The following NRG1 variants were observed in gnomAD, a reference collection of about 807,000 sequenced individuals.
NRG1 encodes pro-neuregulin-1, membrane-bound isoform.
A neutral mutation model predicts 63.8 loss-of-function variants in NRG1; 18 were observed. The observed-to-expected ratio is 0.28, with a 90% CI of 0.19 to 0.42. NRG1 has a LOEUF of 0.42. Among genes scored for constraint, NRG1 ranks in the 10% least tolerant of loss-of-function variants. NRG1 has a pLI of 1.00. For synonymous variants in NRG1, 302 were observed against 301.3 expected (o/e 1.00, Z -0.02); for missense variants, 762 against 814.7 (o/e 0.94, Z 0.79).
intron 1 of NRG1, among the ~76,000 whole-genome samples, chr8:32,073,181 C>A (rs758907936): frequency 6.6e-6 from 1 of 152,138 alleles, no homozygotes; most frequent in Non-Finnish European, 1.5e-5. Context: ...GGGTGTTCCG[C>A]GTCATTCACT....
chr8:32,609,661 C>A, intron 3 of NRG1, among the ~76,000 whole-genome samples: 1 of 123,604 alleles, frequency 8.1e-6, no homozygotes, highest in South Asian at 3.0e-4. Flanking sequence ...CTCTCTCTTT[C>A]CTTTTTTTTT....
chr8:31,652,208 C>T (rs1804920778), intron 1 of NRG1, among the ~76,000 whole-genome samples: 1 of 152,176 alleles, frequency 6.6e-6, no homozygotes, highest in Non-Finnish European at 1.5e-5. Context: ...TGCTCCATAC[C>T]AGATTAGTGA....
At chr8:32,225,724 A>G (rs1757142678) in intron 1 of NRG1, among the ~76,000 whole-genome samples, 1 of 152,348 alleles carries the variant, frequency 6.6e-6, no homozygotes, top group Non-Finnish European at 1.5e-5. Flanking sequence ...AGAAAGTACC[A>G]CAATGTAAAT....
At chr8:31,954,526 C>A (rs1804045120) in intron 1 of NRG1, among the ~76,000 whole-genome samples, 1 of 152,156 alleles carries the variant, frequency 6.6e-6, no homozygotes, top group African/African-American at 2.4e-5. Context: ...TGCATTAAAC[C>A]TCTCCTGCTA....
At chr8:32,173,577 T>A (rs1340028038) in intron 1 of NRG1, among the ~76,000 whole-genome samples, 1 of 152,088 alleles carries the variant, frequency 6.6e-6, no homozygotes, top group African/African-American at 2.4e-5. Context: ...CCCATCAGTG[T>A]GCTGTATTCA....
chr8:32,319,831 A>G lies in NRG1; in HGVS notation c.38-275997A>G, dbSNP rs531506300. The stretch of plus-strand genomic sequence containing the variant: ...TTATATTATCTCTACTTTTTTACTT[A>G]TATATTTGGACTTGAGGTTTTCTGC... On this transcript the variant is annotated intron_variant, in intron 1 of 10. Coordinates refer to the NRG1 transcript ENST00000519301. Among the ~76,000 whole-genome samples, 51 of 152,250 alleles carry G rather than the reference A, an allele frequency of 3.3e-4. 1 individual carries two copies. The South Asian group carries it at 9.5e-3, about 28-fold the overall frequency.
chr8:32,332,407 C>G (rs556195274), intron 1 of NRG1, among the ~76,000 whole-genome samples: 1 of 152,248 alleles, frequency 6.6e-6, no homozygotes, highest in East Asian at 1.9e-4. Context: ...TGGGAAGTTT[C>G]CCTGACCCCC....
chr8:31,887,819 T>C (rs1208887424), intron 1 of NRG1, among the ~76,000 whole-genome samples: 1 of 152,034 alleles, frequency 6.6e-6, no homozygotes, highest in Non-Finnish European at 1.5e-5. Flanking sequence ...TAAATTACAA[T>C]ATACAGAATT....
intron 1 of NRG1, among the ~76,000 whole-genome samples, chr8:32,113,140 G>A (rs10808322): frequency 1.3e-5 from 2 of 151,950 alleles, no homozygotes; most frequent in African/African-American, 4.8e-5. Context: ...GCTGTTGGAT[G>A]TCAGATATCT....
intron 1 of NRG1, among the ~76,000 whole-genome samples, chr8:32,384,095 G>A (rs2129483513): frequency 6.6e-6 from 1 of 152,218 alleles, no homozygotes; most frequent in East Asian, 1.9e-4. Flanking sequence ...AACATAGCCA[G>A]GAGTGGTGGT....
At chr8:32,300,764 ACTGG>A (rs1296230370) in intron 1 of NRG1, among the ~76,000 whole-genome samples, 2 of 152,206 alleles carry the variant, frequency 1.3e-5, no homozygotes, top group Non-Finnish European at 2.9e-5. Context: ...AAAATGATTC[ACTGG>A]CTATTTAGGG....
At chr8:32,321,708 A>G (rs1436091110) in intron 1 of NRG1, among the ~76,000 whole-genome samples, 1 of 152,024 alleles carries the variant, frequency 6.6e-6, no homozygotes, top group African/African-American at 2.4e-5. Flanking sequence ...AGTAAATACA[A>G]TGTTTAAAAC....
At chr8:32,340,357 C>T (rs183691965) in intron 1 of NRG1, among the ~76,000 whole-genome samples, 9 of 152,274 alleles carry the variant, frequency 5.9e-5, no homozygotes, top group Non-Finnish European at 1.2e-4. Flanking sequence ...GTTAGCACCA[C>T]TCAGTGGCTG....
chr8:32,411,727 C>T (rs2129485475), intron 1 of NRG1, among the ~76,000 whole-genome samples: 1 of 152,308 alleles, frequency 6.6e-6, no homozygotes, highest in South Asian at 2.1e-4. Flanking sequence ...AGTCAAAGAG[C>T]ATACTGAATG....
chr8:32,494,661 A>G (rs563063519), intron 1 of NRG1, among the ~76,000 whole-genome samples: 1 of 152,356 alleles, frequency 6.6e-6, no homozygotes. Flanking sequence ...GAGACAGACA[A>G]CAAAAACTAA....
At chr8:31,940,030 C>T (rs1056778509) in intron 1 of NRG1, among the ~76,000 whole-genome samples, 3 of 151,668 alleles carry the variant, frequency 2.0e-5, no homozygotes, top group Non-Finnish European at 3.0e-5. Flanking sequence ...AGTCAACAAA[C>T]TCTAGCCTGC....
At position 32,060,153 on chromosome 8, in the gene NRG1, A is replaced by G. The variant is rs959616632; in HGVS notation, c.37+420722A>G. On this transcript the variant is annotated intron_variant, in intron 1 of 10. Coordinates refer to the NRG1 transcript ENST00000519301. ...TTTTGTCTTTGTTCATTTATTTCTT[A>G]CACTATTCCTGTTTTCATCTTGCCT... Among the ~76,000 whole-genome samples, 4 of 151,854 alleles carry G rather than the reference A, an allele frequency of 2.6e-5. No homozygotes were observed. The East Asian group carries it at 5.8e-4, about 22-fold the overall frequency.
intron 1 of NRG1, among the ~76,000 whole-genome samples, chr8:32,197,003 A>C (rs969701892): frequency 9.2e-6 from 1 of 108,354 alleles, no homozygotes; most frequent in African/African-American, 3.5e-5. Flanking sequence ...TCTGTCACCC[A>C]GGCTGGAGTG....
At chr8:32,748,722 A>G in intron 7 of NRG1, 1 of 456,102 alleles carries the variant, frequency 2.2e-6, no homozygotes, top group Middle Eastern at 3.3e-4. Flanking sequence ...CTGTGATTTA[A>G]AGGAGTAATA....
Sources: gnomAD v4.1 joint callset for allele counts (sites outside exome capture counted in the v4.1 genomes callset) on GRCh38, gnomAD v4.1.1 for gene constraint, MANE v1.5 for transcripts, NCBI Gene and HGNC (gene_info 2026-07-23, HGNC 2026-07-21) for gene names.